Variants in COL4A6 observed in about 807,000 individuals in gnomAD.
COL4A6 encodes collagen type IV alpha 6 chain.
In COL4A6, 59 loss-of-function variants were observed where a neutral mutation model predicts 126.7. The observed-to-expected ratio is 0.47, with a 90% CI of 0.38 to 0.58. The LOEUF is 0.58. Ranked by LOEUF, COL4A6 falls within the 20% of genes least tolerant of loss-of-function variation. The pLI, the probability that COL4A6 is intolerant of heterozygous loss-of-function variation, is 0.00. For synonymous variants in COL4A6, 547 were observed against 496.6 expected (o/e 1.10, Z -1.35); for missense variants, 1,285 against 1,337.3 (o/e 0.96, Z 0.61).
At chrX:108,387,502 T>C (rs2040728583) in intron 2 of COL4A6, among the ~76,000 whole-genome samples, 1 of 111,833 alleles carries the variant, frequency 8.9e-6, no homozygotes, top group Admixed American at 9.5e-5. Flanking sequence ...TCACTCATGA[T>C]TTGGCTCTCT....
Position 108,161,586 on chromosome X carries a change from CCCCG to C in COL4A6, c.4333+29_4333+32del, listed in dbSNP as rs745579655. 1.2e-5 allele frequency: 6 copies of C among 508,088 alleles called. No homozygotes were observed. The African/African-American group carries it at 1.3e-4, about 11-fold the overall frequency. The allele number at this position is 508,088 out of a possible 1,213,427, so 41.9% of individuals were successfully genotyped here. On this transcript the variant is annotated intron_variant, in intron 42 of 44. Transcript: ENST00000334504. ...AAACCCTCCCAGACCACCATCCCCG[CCCCG>C]CCCGCCTCCTAATGTGGCATCATCA...
At chrX:108,410,018 T>C (rs2148236526) in intron 2 of COL4A6, among the ~76,000 whole-genome samples, 1 of 111,674 alleles carries the variant, frequency 9.0e-6, no homozygotes, top group Admixed American at 9.5e-5. Context: ...AAATTAAAAT[T>C]AAAGAATTTT....
intron 3 of COL4A6, among the ~76,000 whole-genome samples, chrX:108,303,198 G>A (rs1254862133): frequency 9.0e-6 from 1 of 111,413 alleles, no homozygotes; most frequent in Non-Finnish European, 1.9e-5. Context: ...CCAGGCAACT[G>A]AAGGCAGAGG....
rs952636960 is a variant in COL4A6 at position 108,333,897 on chromosome X, T to C, written c.64-23069A>G. 8.1e-5 allele frequency among the ~76,000 whole-genome samples: 9 copies of C among 111,412 alleles called. No homozygotes were observed. In the South Asian group the frequency reaches 3.4e-3, roughly 42 times the overall value. The stretch of plus-strand genomic sequence containing the variant: ...AAACACTGGTGAAAGAAATTGTAGA[T>C]GACACAAACAAATGGAGAAACAACC... On this transcript the variant is annotated intron_variant, in intron 2 of 44. Transcript: ENST00000334504.
chrX:108,422,035 G>C (rs2063989074), intron 2 of COL4A6, among the ~76,000 whole-genome samples: 1 of 112,041 alleles, frequency 8.9e-6, no homozygotes, highest in African/African-American at 3.2e-5. Flanking sequence ...TAAAGTATTT[G>C]AGGGTAATGT....
intron 2 of COL4A6, among the ~76,000 whole-genome samples, chrX:108,329,008 AG>A (rs1445218845): frequency 8.9e-6 from 1 of 111,905 alleles, no homozygotes; most frequent in African/African-American, 3.3e-5. Flanking sequence ...ATCTAAAAGA[AG>A]TTGATCTCAC....
At chrX:108,164,353 G>T (rs775929030) in intron 40 of COL4A6, among the ~76,000 whole-genome samples, 1 of 111,846 alleles carries the variant, frequency 8.9e-6, no homozygotes, top group Non-Finnish European at 1.9e-5. Flanking sequence ...CTAATGCAGA[G>T]ATTAACACAG....
At chrX:108,429,258 T>G in intron 2 of COL4A6, among the ~76,000 whole-genome samples, 1 of 112,036 alleles carries the variant, frequency 8.9e-6, no homozygotes, top group Non-Finnish European at 1.9e-5. Context: ...AGGAGGGAAT[T>G]GACTGCAAAA....
At chrX:108,419,999 A>G (rs1168406202) in intron 2 of COL4A6, among the ~76,000 whole-genome samples, 5 of 111,788 alleles carry the variant, frequency 4.5e-5, no homozygotes, top group Non-Finnish European at 9.4e-5. Flanking sequence ...AATGAGTGAA[A>G]TCGAAGGGAC....
At chrX:108,343,153 A>AG (rs1170792470) in intron 2 of COL4A6, among the ~76,000 whole-genome samples, 8 of 75,002 alleles carry the variant, frequency 1.1e-4, no homozygotes, top group African/African-American at 2.4e-4. Context: ...ATATATATAT[A>AG]TATATATATA....
chrX:108,290,636 CA>C (rs79308334), intron 3 of COL4A6, among the ~76,000 whole-genome samples: 28,090 of 111,672 alleles, frequency 0.25, 2,942 homozygotes, highest in East Asian at 0.61. Context: ...GAGCCCAAAG[CA>C]ATGTAGTATG....
chrX:108,273,346 G>A (rs1373706819), intron 3 of COL4A6, among the ~76,000 whole-genome samples: 3 of 109,718 alleles, frequency 2.7e-5, no homozygotes, highest in Non-Finnish European at 5.7e-5. Flanking sequence ...TGCTGGAGAG[G>A]ATGTGGAGAA....
intron 3 of COL4A6, among the ~76,000 whole-genome samples, chrX:108,309,442 T>C (rs1293269098): frequency 9.0e-6 from 1 of 111,384 alleles, no homozygotes; most frequent in African/African-American, 3.3e-5. Context: ...ACAAATAAGA[T>C]GTGAAGCTTA....
At chrX:108,389,797 T>C (rs2040791147) in intron 2 of COL4A6, among the ~76,000 whole-genome samples, 2 of 111,496 alleles carry the variant, frequency 1.8e-5, no homozygotes, top group Admixed American at 1.9e-4. Flanking sequence ...GTTTTGCCCA[T>C]TAGTTGATGC....
chrX:108,371,015 T>G (rs1431073271), intron 2 of COL4A6, among the ~76,000 whole-genome samples: 1 of 110,542 alleles, frequency 9.0e-6, no homozygotes, highest in Non-Finnish European at 1.9e-5. Flanking sequence ...TGTCACCTCT[T>G]CTGTGACATT....
At chrX:108,245,300 A>G (rs2036687398) in intron 3 of COL4A6, among the ~76,000 whole-genome samples, 1 of 112,011 alleles carries the variant, frequency 8.9e-6, no homozygotes, top group East Asian at 2.8e-4. Flanking sequence ...GCTGTGAGAT[A>G]TTTTTGTCAC....
At chrX:108,172,918 G>T (rs1189633877) in intron 31 of COL4A6, among the ~76,000 whole-genome samples, 1 of 112,165 alleles carries the variant, frequency 8.9e-6, no homozygotes, top group Admixed American at 9.4e-5. Context: ...TGCATAGGAA[G>T]AAGTTTCACT....
At chrX:108,252,410 T>A (rs1172328110) in intron 3 of COL4A6, among the ~76,000 whole-genome samples, 1 of 111,828 alleles carries the variant, frequency 8.9e-6, no homozygotes, top group African/African-American at 3.2e-5. Flanking sequence ...TGATTCTATA[T>A]GTCGGGTATT....
intron 2 of COL4A6, among the ~76,000 whole-genome samples, chrX:108,340,225 A>G (rs1313980986): frequency 8.9e-6 from 1 of 111,918 alleles, no homozygotes; most frequent in Non-Finnish European, 1.9e-5. Flanking sequence ...TGTGTGCTTC[A>G]ATTCAGTAGC....
Sources: allele counts gnomAD v4.1 joint callset (sites outside exome capture counted in the v4.1 genomes callset), GRCh38; gene constraint gnomAD v4.1.1; transcripts MANE v1.5; gene names NCBI Gene and HGNC (gene_info 2026-07-23, HGNC 2026-07-21).